Variants in LRP1B observed in about 807,000 individuals in gnomAD.
LRP1B encodes the protein LDL receptor related protein 1B.
In LRP1B, 217 loss-of-function variants were observed where a neutral mutation model predicts 556.6. The observed-to-expected ratio is 0.39, with a 90% CI of 0.35 to 0.44. LRP1B has a LOEUF of 0.44. Among genes scored for constraint, LRP1B ranks in the 20% least tolerant of loss-of-function variants. The pLI is 1.00. For missense variants in LRP1B, 5,053 were observed against 5,620.8 expected, an observed-to-expected ratio of 0.90 and a Z score of 3.23; for synonymous variants, 2,047 against 1,865.8, an observed-to-expected ratio of 1.10 and a Z score of -2.50.
At chr2:141,426,860 A>G (rs1358962603) in intron 3 of LRP1B, among the ~76,000 whole-genome samples, 1 of 152,174 alleles carries the variant, frequency 6.6e-6, no homozygotes, top group Non-Finnish European at 1.5e-5. Context: ...TTTTATGAAA[A>G]CAATCTTCAT....
At chr2:141,924,564 A>C (rs1361897828) in intron 1 of LRP1B, among the ~76,000 whole-genome samples, 1 of 152,090 alleles carries the variant, frequency 6.6e-6, no homozygotes, top group East Asian at 1.9e-4. Context: ...AGGTCAAAAG[A>C]CTGAGGACAC....
At chr2:140,303,022 T>TAC (rs1683902869) in intron 83 of LRP1B, among the ~76,000 whole-genome samples, 1 of 104,084 alleles carries the variant, frequency 9.6e-6, no homozygotes, top group African/African-American at 5.4e-5. Context: ...CATATATATA[T>TAC]ATATATATAT....
rs1472954216 is a variant in LRP1B, at chr2:140,639,701, A to C, written c.6800-38062T>G. On this transcript the variant is annotated intron_variant, in intron 41 of 90. Transcript: ENST00000389484. ...AGCATAATCCTTCTAAAACAACGTG[A>C]AATTATTTTACTGCTACAAGGCATA... Among the ~76,000 whole-genome samples, 6 of 152,182 alleles carry C rather than the reference A, an allele frequency of 3.9e-5. No homozygotes were observed. In the East Asian group the frequency reaches 1.2e-3, roughly 29 times the overall value.
rs60662808 is a variant in LRP1B, at chr2:141,167,562, G to T, written c.1013+20859C>A. On this transcript the variant is annotated intron_variant, in intron 7 of 90. Coordinates refer to ENST00000389484, the MANE Select transcript of LRP1B (RefSeq NM_018557.3). Reference sequence around the variant, plus strand: ...AGATAGTCATCAACTAACCTAACAGGTACTATCTATATATGACCAATGTAT... The same window carrying T: ...AGATAGTCATCAACTAACCTAACAGTTACTATCTATATATGACCAATGTAT... Among the ~76,000 whole-genome samples, 281 of 151,324 alleles carry T rather than the reference G, an allele frequency of 1.9e-3. 1 individual carries two copies. Among genetic ancestry groups the T allele is most frequent in the African/African-American group, 5.8e-3 (238 of 41,322 alleles).
At chr2:140,342,371 A>G (rs1456854472) in intron 77 of LRP1B, among the ~76,000 whole-genome samples, 1 of 151,500 alleles carries the variant, frequency 6.6e-6, no homozygotes, top group Non-Finnish European at 1.5e-5. Context: ...CTTCAGACAC[A>G]AGAATGATTC....
At chr2:140,420,742 C>T (rs111590686) in intron 66 of LRP1B, among the ~76,000 whole-genome samples, 2,147 of 152,118 alleles carry the variant, frequency 0.014, 55 homozygotes, top group African/African-American at 0.05. Context: ...TGAAATAAGC[C>T]AGAGAAAATG....
At chr2:141,263,315 G>T (rs1684770398) in intron 3 of LRP1B, among the ~76,000 whole-genome samples, 1 of 151,948 alleles carries the variant, frequency 6.6e-6, no homozygotes, top group African/African-American at 2.4e-5. Context: ...ATAAACATCA[G>T]CAAGGCAGCA....
At chr2:141,188,982 G>A (rs1356642685) in intron 6 of LRP1B, among the ~76,000 whole-genome samples, 2 of 151,922 alleles carry the variant, frequency 1.3e-5, no homozygotes, top group African/African-American at 2.4e-5. Flanking sequence ...TGAGTGTAAG[G>A]CAAATCCTTG....
At chr2:141,545,147 A>G (rs932812111) in intron 2 of LRP1B, among the ~76,000 whole-genome samples, 1 of 152,226 alleles carries the variant, frequency 6.6e-6, no homozygotes, top group African/African-American at 2.4e-5. Flanking sequence ...AAGAATCAAA[A>G]GCTATAATCC....
At chr2:141,671,335 T>C (rs1452814141) in intron 2 of LRP1B, among the ~76,000 whole-genome samples, 1 of 152,090 alleles carries the variant, frequency 6.6e-6, no homozygotes, top group Non-Finnish European at 1.5e-5. Context: ...GTGCGAATGT[T>C]TAATTGAGGA....
intron 66 of LRP1B, among the ~76,000 whole-genome samples, chr2:140,435,898 A>G (rs896269304): frequency 6.6e-6 from 1 of 152,044 alleles, no homozygotes; most frequent in African/African-American, 2.4e-5. Context: ...CAACGGTTCT[A>G]TTGGAACCAA....
At chr2:140,297,440 TTA>T (rs1683654683) in intron 84 of LRP1B, among the ~76,000 whole-genome samples, 1 of 152,034 alleles carries the variant, frequency 6.6e-6, no homozygotes, top group African/African-American at 2.4e-5. Context: ...GCCAATATAA[TTA>T]TGAGTTTTTC....
intron 2 of LRP1B, among the ~76,000 whole-genome samples, chr2:141,683,351 A>T (rs1308824763): frequency 2.6e-5 from 4 of 152,128 alleles, no homozygotes; most frequent in African/African-American, 9.7e-5. Context: ...GGTACAGGAA[A>T]CTTACATCAT....
chr2:141,626,055 CAT>C (rs1285830667), intron 2 of LRP1B, among the ~76,000 whole-genome samples: 2 of 151,974 alleles, frequency 1.3e-5, no homozygotes, highest in Non-Finnish European at 2.9e-5. Flanking sequence ...GGGTTATAGA[CAT>C]ACAGGGGTTT....
At chr2:140,549,513 C>G (rs1680467811) in intron 43 of LRP1B, among the ~76,000 whole-genome samples, 1 of 152,184 alleles carries the variant, frequency 6.6e-6, no homozygotes. Flanking sequence ...CTGCAACTTT[C>G]TCATTGTATC....
intron 1 of LRP1B, among the ~76,000 whole-genome samples, chr2:141,949,039 T>C (rs1701034829): frequency 6.6e-6 from 1 of 152,164 alleles, no homozygotes; most frequent in Non-Finnish European, 1.5e-5. Context: ...ATTATAGATA[T>C]TCTGAAGGGA....
rs192860999 is a variant in LRP1B, at chr2:141,913,121, C to T, written c.83-102720G>A. Among the ~76,000 whole-genome samples, 16 of 152,226 alleles carry T rather than the reference C, an allele frequency of 1.1e-4. No individual in the cohort carries two copies. In the East Asian group the frequency reaches 2.1e-3, roughly 20 times the overall value. ...ACTTTCAGTTTTGAAGGATGAAACA[C>T]GTTCTGAAGATGGTGGTGATGGTTG... On this transcript the variant is annotated intron_variant, in intron 1 of 90. Coordinates refer to ENST00000389484, the MANE Select transcript of LRP1B (RefSeq NM_018557.3).
rs544190111 is a variant in LRP1B, at chr2:141,211,993, T to C, written c.850+17190A>G. 5.9e-4 allele frequency among the ~76,000 whole-genome samples: 90 copies of C among 152,300 alleles called. 1 individual carries two copies. In the South Asian group the frequency reaches 0.013, roughly 21 times the overall value. On this transcript the variant is annotated intron_variant, in intron 6 of 90. Transcript: ENST00000389484. ...CAGAAAAAAGCCACTTTTATGTTTCTATATAAATGTGCTAAATAGAAGATA... is the reference window on the plus strand; with the variant it reads ...CAGAAAAAAGCCACTTTTATGTTTCCATATAAATGTGCTAAATAGAAGATA...
intron 23 of LRP1B, among the ~76,000 whole-genome samples, chr2:140,896,090 C>T (rs1014607180): frequency 3.3e-5 from 5 of 151,974 alleles, no homozygotes; most frequent in African/African-American, 1.2e-4. Flanking sequence ...TATTTCCCTG[C>T]CTCCTGTCCA....
Sources: gnomAD v4.1 joint callset for allele counts (sites outside exome capture counted in the v4.1 genomes callset) on GRCh38, gnomAD v4.1.1 for gene constraint, MANE v1.5 for transcripts, NCBI Gene and HGNC (gene_info 2026-07-23, HGNC 2026-07-21) for gene names.